TRIM33: variants seen among roughly 807,000 people sequenced by gnomAD.
TRIM33 encodes the protein E3 ubiquitin-protein ligase TRIM33.
Under a neutral mutation model 125.4 loss-of-function variants are expected in TRIM33, and 20 were observed. The observed-to-expected ratio is 0.16, with a 90% CI of 0.11 to 0.23. The LOEUF (loss-of-function observed/expected upper bound fraction) is 0.23, where lower values mean the gene tolerates loss of function less well. Ranked by LOEUF, TRIM33 falls within the 10% of genes least tolerant of loss-of-function variation. The pLI, the probability that TRIM33 is intolerant of heterozygous loss-of-function variation, is 1.00. For synonymous variants in TRIM33, 564 were observed against 513.9 expected (o/e 1.10, Z -1.32); for missense variants, 920 against 1,411.4 (o/e 0.65, Z 5.58).
chr1:114,480,610 T>C (rs1041774380), intron 1 of TRIM33, among the ~76,000 whole-genome samples: 13 of 145,482 alleles, frequency 8.9e-5, no homozygotes, highest in East Asian at 4.0e-4. Context: ...ACTAAAAATA[T>C]TGGTAAACAT....
At chr1:114,431,363 T>C (rs189523005) in intron 5 of TRIM33, among the ~76,000 whole-genome samples, 108 of 152,342 alleles carry the variant, frequency 7.1e-4, no homozygotes, top group African/African-American at 2.6e-3. Flanking sequence ...CATTTATAAC[T>C]TAGCCACTTC....
intron 8 of TRIM33, among the ~76,000 whole-genome samples, chr1:114,426,930 C>CG (rs1647625196): frequency 6.6e-6 from 1 of 151,914 alleles, no homozygotes; most frequent in Admixed American, 6.6e-5. Flanking sequence ...GATGGAGGGT[C>CG]GGGGGACTAG....
chr1:114,482,800 C>A (rs778821404), intron 1 of TRIM33, among the ~76,000 whole-genome samples: 2 of 152,126 alleles, frequency 1.3e-5, no homozygotes, highest in East Asian at 3.9e-4. Context: ...TCCTGTCAGC[C>A]GTATGAAGAT....
chr1:114,477,144 C>T (rs539971410), intron 1 of TRIM33, among the ~76,000 whole-genome samples: 3 of 151,864 alleles, frequency 2.0e-5, no homozygotes, highest in Admixed American at 6.6e-5. Flanking sequence ...GATTATTCAA[C>T]GGAAAGAAAT....
In TRIM33 at chr1:114,410,145, T is replaced by C. The variant is rs184926435; in HGVS notation, c.2194+39A>G. On this transcript the variant is annotated intron_variant, in intron 12 of 19. Coordinates refer to ENST00000358465, the MANE Select transcript of TRIM33 (RefSeq NM_015906.4). ...AAGACAGATACTGACACTGTTTTTT[T>C]AAGGTGTTAAAAAATAAGGTAATAC... is the stretch of plus-strand genomic sequence containing the variant. 3 of 1,611,372 alleles carry C rather than the reference T, an allele frequency of 1.9e-6. No individual in the cohort carries two copies. In the Admixed American group the frequency reaches 5.0e-5, roughly 27 times the overall value.
intron 13 of TRIM33, 29 bp from the exon 14 acceptor site, chr1:114,407,129 A>G: frequency 1.3e-6 from 2 of 1,593,960 alleles, no homozygotes; most frequent in Non-Finnish European, 1.7e-6. Flanking sequence ...TAAAGATCAC[A>G]TACGTTTGAC....
chr1:114,418,261 T>C (rs564128767), intron 11 of TRIM33, among the ~76,000 whole-genome samples: 5 of 152,326 alleles, frequency 3.3e-5, no homozygotes, highest in Admixed American at 6.5e-5. Flanking sequence ...ACCACCGCCA[T>C]GATCCAATCA....
chr1:114,505,590 C>T (rs997442097), intron 1 of TRIM33, among the ~76,000 whole-genome samples: 15 of 152,160 alleles, frequency 9.9e-5, no homozygotes, highest in Admixed American at 7.2e-4. Context: ...GTTTTTGAGA[C>T]GGATTCTCAC....
chr1:114,474,893 CAA>C (rs555557038), intron 1 of TRIM33, among the ~76,000 whole-genome samples: 1 of 120,738 alleles, frequency 8.3e-6, no homozygotes, highest in Non-Finnish European at 1.8e-5. Flanking sequence ...AACTCTATCT[CAA>C]AAAAAAAAAA....
At chr1:114,444,221 G>A (rs1312683037) in intron 4 of TRIM33, among the ~76,000 whole-genome samples, 1 of 152,136 alleles carries the variant, frequency 6.6e-6, no homozygotes. Flanking sequence ...ATGAGAATGG[G>A]GAACAGAGGG....
chr1:114,507,683 G>C (rs1424139069), intron 1 of TRIM33, among the ~76,000 whole-genome samples: 2 of 152,196 alleles, frequency 1.3e-5, no homozygotes, highest in Non-Finnish European at 2.9e-5. Flanking sequence ...TTCCTTTAGC[G>C]TAAAATAGCT....
rs1240562607 is a variant in TRIM33, at chr1:114,414,224, A to T, written c.2062-3908T>A. Among the ~76,000 whole-genome samples the T allele has an allele frequency of 2.0e-5, 3 of 152,176 alleles. No homozygotes were observed. The East Asian group carries it at 5.8e-4, about 29-fold the overall frequency. On this transcript the variant is annotated intron_variant, in intron 11 of 19. Coordinates refer to ENST00000358465, the MANE Select transcript of TRIM33 (RefSeq NM_015906.4). ...CTTTTTTAAAAGCTACAATGGTTTT[A>T]TATGGCTCATAAAAGCCTTTAAAAA...
chr1:114,424,471 T>A, intron 10 of TRIM33, 120 bp downstream of exon 10: 1 of 760,062 alleles, frequency 1.3e-6, no homozygotes, highest in Non-Finnish European at 2.0e-6. Flanking sequence ...GACAAGAGGA[T>A]ATACAGCATT....
rs192415694 is a variant in TRIM33, at chr1:114,494,566, C to A, written c.526+15985G>T. Among the ~76,000 whole-genome samples the A allele has an allele frequency of 4.6e-5, 7 of 152,164 alleles. No individual in the cohort carries two copies. In the East Asian group the frequency reaches 1.4e-3, roughly 29 times the overall value. ...TAGGATATATACCTGACAAAAGAGT[C>A]ATGATTGGAATATATAAAGAATCCT... is the stretch of plus-strand genomic sequence containing the variant. On this transcript the variant is annotated intron_variant, in intron 1 of 19. Transcript: ENST00000358465.
intron 1 of TRIM33, among the ~76,000 whole-genome samples, chr1:114,480,755 G>C (rs1651280845): frequency 6.6e-6 from 1 of 151,964 alleles, no homozygotes; most frequent in Admixed American, 6.6e-5. Flanking sequence ...TGGATAAAAA[G>C]TAAAATCCAA....
Position 114,405,644 on chromosome 1 carries a change from A to G in TRIM33, c.2534T>C (p.Met845Thr), listed in dbSNP as rs1012256723. ...ENHVKIEPAD[M>T]NESCKQSGLS... ...CCCTGACTGTTTGCAGCTTTCATTC[A>G]TATCTGCAGGTTCAATTTTCACATG... Residue 845 changes from methionine (M) to threonine (T), a missense_variant, in exon 15 of 20, where the codon ATG becomes ACG. Physicochemically the swap from Met to Thr is moderately conservative, Grantham distance 81. Coordinates refer to ENST00000358465, the MANE Select transcript of TRIM33 (RefSeq NM_015906.4). The G allele has an allele frequency of 2.5e-6, 4 of 1,614,050 alleles. No individual in the cohort carries two copies. The highest frequency in any genetic ancestry group is 1.7e-5 in the Admixed American group (1 of 60,002).
intron 1 of TRIM33, among the ~76,000 whole-genome samples, chr1:114,481,734 T>G (rs931952803): frequency 4.0e-5 from 6 of 151,576 alleles, no homozygotes; most frequent in Admixed American, 3.9e-4. Flanking sequence ...TTCCTCCCCA[T>G]GGGATACAGC....
intron 15 of TRIM33, 52 bp from the exon 16 acceptor site, chr1:114,402,935 T>C: frequency 6.5e-7 from 1 of 1,534,156 alleles, no homozygotes; most frequent in Non-Finnish European, 8.8e-7. Context: ...AAGCCTGCTC[T>C]AGAGAAGCTA....
chr1:114,491,262 C>A (rs1345097270), intron 1 of TRIM33, among the ~76,000 whole-genome samples: 1 of 152,120 alleles, frequency 6.6e-6, no homozygotes, highest in Non-Finnish European at 1.5e-5. Context: ...AGAGAAAGAT[C>A]TTGAGGTGTT....
Sources: allele counts gnomAD v4.1 joint callset (sites outside exome capture counted in the v4.1 genomes callset), GRCh38; gene constraint gnomAD v4.1.1; transcripts MANE v1.5; gene names NCBI Gene and HGNC (gene_info 2026-07-23, HGNC 2026-07-21).